BLTP1: variants seen among roughly 807,000 people sequenced by gnomAD.
BLTP1 encodes the protein fragile site-associated protein.
the BLTP1 span, chr4:122,224,068 C>A: frequency 1.0e-6 from 1 of 982,466 alleles, no homozygotes; most frequent in Non-Finnish European, 1.2e-6. Flanking sequence ...GTTTACTTTT[C>A]CCCACCATTC....
the BLTP1 span, among the ~76,000 whole-genome samples, chr4:122,253,433 T>G: frequency 6.6e-6 from 1 of 152,084 alleles, no homozygotes; most frequent in African/African-American, 2.4e-5. Context: ...ATTCAGAATC[T>G]TATTAGATAA....
At chr4:122,316,202 G>C in the BLTP1 span, 1 of 354,826 alleles carries the variant, frequency 2.8e-6, no homozygotes, top group Non-Finnish European at 5.7e-6. Context: ...AAGTTATTTT[G>C]TGGCAAAAAG....
the BLTP1 span, among the ~76,000 whole-genome samples, chr4:122,228,061 C>T: frequency 6.6e-6 from 1 of 151,706 alleles, no homozygotes; most frequent in African/African-American, 2.4e-5. Context: ...CTACAGGCGC[C>T]CACCACCACG....
At chr4:122,250,630 C>T in the BLTP1 span, 3 of 1,512,784 alleles carry the variant, frequency 2.0e-6, no homozygotes, top group Non-Finnish European at 2.7e-6. Context: ...ACAAAGAAAA[C>T]TACATATGCA....
At chr4:122,299,213 A>C in the BLTP1 span, 1 of 893,174 alleles carries the variant, frequency 1.1e-6, no homozygotes, top group Non-Finnish European at 1.3e-6. Flanking sequence ...TTGAATAAAC[A>C]AAATGTGATA....
chr4:122,184,937 C>A, the BLTP1 span: 1 of 984,128 alleles, frequency 1.0e-6, no homozygotes. Context: ...CCTACAGATG[C>A]CAAATACTAG....
At chr4:122,187,879 AT>A in the BLTP1 span, 127,300 of 1,058,546 alleles carry the variant, frequency 0.12, no homozygotes, top group South Asian at 0.15. Context: ...TTATCTGTTT[AT>A]TTTTTTTTTT....
the BLTP1 span, chr4:122,251,287 C>T: frequency 2.7e-5 from 26 of 975,850 alleles, no homozygotes; most frequent in East Asian, 1.1e-4. Flanking sequence ...TGTTCTTAAA[C>T]GTATGTACAT....
At chr4:122,158,134 A>T in the BLTP1 span, among the ~76,000 whole-genome samples, 2 of 152,244 alleles carry the variant, frequency 1.3e-5, no homozygotes, top group Admixed American at 1.3e-4. Context: ...AGTGTTATTT[A>T]GTGTTTTAGA....
At chr4:122,339,571 T>C in the BLTP1 span, among the ~76,000 whole-genome samples, 2 of 152,200 alleles carry the variant, frequency 1.3e-5, no homozygotes, top group African/African-American at 2.4e-5. Flanking sequence ...GTTTTGAGTA[T>C]ATTTCATGTG....
chr4:122,173,052 T>C, the BLTP1 span: 1 of 1,613,298 alleles, frequency 6.2e-7, no homozygotes, highest in Non-Finnish European at 8.5e-7. Context: ...TTTTGTCCTG[T>C]GGATGGATTA....
At chr4:122,179,803 C>T in the BLTP1 span, 1 of 974,512 alleles carries the variant, frequency 1.0e-6, no homozygotes, top group Non-Finnish European at 1.2e-6. Flanking sequence ...CATTGCATGC[C>T]CACACAAGTG....
the BLTP1 span, among the ~76,000 whole-genome samples, chr4:122,176,520 A>G: frequency 4.0e-3 from 607 of 152,326 alleles, 3 homozygotes; most frequent in African/African-American, 0.014. Flanking sequence ...AATTAAAAGT[A>G]CACTACCACT....
At chr4:122,327,252 A>G in the BLTP1 span, among the ~76,000 whole-genome samples, 1 of 151,468 alleles carries the variant, frequency 6.6e-6, no homozygotes, top group African/African-American at 2.4e-5. Context: ...CCCCATGCAT[A>G]CCAATATCCA....
the BLTP1 span, among the ~76,000 whole-genome samples, chr4:122,332,907 T>C: frequency 3.4e-5 from 3 of 87,370 alleles, no homozygotes; most frequent in African/African-American, 1.3e-4. Context: ...TGCGATAGTT[T>C]ACTGAGAATG....
At chr4:122,223,497 C>T in the BLTP1 span, among the ~76,000 whole-genome samples, 1 of 152,052 alleles carries the variant, frequency 6.6e-6, no homozygotes, top group Non-Finnish European at 1.5e-5. Flanking sequence ...GTACACAAGG[C>T]AGAAATGGTT....
At chr4:122,226,303 A>G in the BLTP1 span, 1 of 664,208 alleles carries the variant, frequency 1.5e-6, no homozygotes, top group Non-Finnish European at 1.9e-6. Context: ...ACTGTAGCTC[A>G]ATGTGATATT....
chr4:122,246,358 G>A, the BLTP1 span: 3 of 1,354,552 alleles, frequency 2.2e-6, no homozygotes, highest in South Asian at 3.2e-5. Context: ...GATGGTGTTT[G>A]TCCTTTTCAG....
the BLTP1 span, chr4:122,186,285 A>G: frequency 7.2e-7 from 1 of 1,392,664 alleles, no homozygotes; most frequent in Non-Finnish European, 9.7e-7. Context: ...TTATTAGAAT[A>G]TCATTGAGGC....
Sources: gnomAD v4.1 joint callset for allele counts (sites outside exome capture counted in the v4.1 genomes callset) on GRCh38, gnomAD v4.1.1 for gene constraint, MANE v1.5 for transcripts, NCBI Gene and HGNC (gene_info 2026-07-23, HGNC 2026-07-21) for gene names.